The following ZNF148 variants were observed in gnomAD, a reference collection of about 807,000 sequenced individuals.
ZNF148 encodes the protein Beta-Enolase Repressor Factor-1.
A neutral mutation model predicts 67.7 loss-of-function variants in ZNF148; 7 were observed. That is an observed-to-expected ratio of 0.10 (90% confidence interval 0.06 to 0.19). The LOEUF (loss-of-function observed/expected upper bound fraction) is 0.19, where lower values mean the gene tolerates loss of function less well. Among genes scored for constraint, ZNF148 ranks in the 10% least tolerant of loss-of-function variants. ZNF148 has a pLI of 1.00. For missense variants in ZNF148, 583 were observed against 947.1 expected (o/e 0.62, Z 5.05); for synonymous variants, 333 against 330.7 (o/e 1.01, Z -0.08).
chr3:125,323,464 C>A lies in ZNF148; in HGVS notation c.-152-20G>T. 3 of 663,410 alleles carry A rather than the reference C, an allele frequency of 4.5e-6. No homozygotes were observed. In the South Asian group the frequency reaches 5.0e-5, roughly 11 times the overall value. 41.1% of individuals were successfully genotyped at this position (663,410 alleles called of 1,614,324 possible). A position where few individuals can be genotyped will look rare whatever the true frequency, so the allele number is the denominator to read the frequency against. On this transcript the variant is annotated intron_variant, in intron 2 of 8. Transcript: ENST00000360647. Reference sequence around the variant, plus strand: ...CGATTCCTACAATAAAACACACACACAACAAACATTATTTATGGTAGGAAA... The same window carrying A: ...CGATTCCTACAATAAAACACACACAAAACAAACATTATTTATGGTAGGAAA...
chr3:125,355,425 T>C (rs1942305088), intron 1 of ZNF148, among the ~76,000 whole-genome samples: 1 of 152,218 alleles, frequency 6.6e-6, no homozygotes, highest in Non-Finnish European at 1.5e-5. Context: ...CTCAGCGTGC[T>C]GACCAAAAAT....
intron 7 of ZNF148, among the ~76,000 whole-genome samples, chr3:125,274,948 A>T (rs1937968663): frequency 6.6e-6 from 1 of 152,222 alleles, no homozygotes; most frequent in African/African-American, 2.4e-5. Flanking sequence ...CACATGGGCA[A>T]ACTTCAGGGC....
At chr3:125,348,480 CAAAAA>C (rs35810148) in intron 1 of ZNF148, among the ~76,000 whole-genome samples, 1 of 60,730 alleles carries the variant, frequency 1.6e-5, no homozygotes, top group Non-Finnish European at 3.0e-5. Flanking sequence ...GACCCTGTCT[CAAAAA>C]AAAAAAAAAA....
chr3:125,365,804 G>T (rs1343445168), intron 1 of ZNF148, among the ~76,000 whole-genome samples: 1 of 152,210 alleles, frequency 6.6e-6, no homozygotes, highest in African/African-American at 2.4e-5. Flanking sequence ...CTGGGCAACA[G>T]ATCAAGAGCC....
intron 5 of ZNF148, among the ~76,000 whole-genome samples, chr3:125,283,137 A>G (rs1938478215): frequency 6.6e-6 from 1 of 152,126 alleles, no homozygotes; most frequent in South Asian, 2.1e-4. Context: ...ATCCAATGAG[A>G]AATGGAAAAT....
intron 1 of ZNF148, among the ~76,000 whole-genome samples, chr3:125,343,820 C>T (rs186904448): frequency 5.5e-4 from 83 of 152,154 alleles, no homozygotes; most frequent in African/African-American, 1.9e-3. Context: ...ACTCACTGAA[C>T]GCAAAGGTCC....
At chr3:125,268,777 CAAGA>C (rs1409636216) in intron 7 of ZNF148, among the ~76,000 whole-genome samples, 1 of 152,022 alleles carries the variant, frequency 6.6e-6, no homozygotes, top group Non-Finnish European at 1.5e-5. Flanking sequence ...GCCAGGAGTT[CAAGA>C]CCAGCCTAGG....
Position 125,279,239 on chromosome 3 carries a change from T to G in ZNF148, c.468A>C (p.Thr156=). The part of the protein sequence containing the change: ...RKQRSPAKIL[T]INEDGSLGLK... ...AACCAAGTGATCCATCCTCATTTAT[T>G]GTAAGGATCTAGTTCAAAAAAAAAA... is the stretch of plus-strand genomic sequence containing the variant. Residue 156 remains threonine (T), a synonymous_variant, in exon 6 of 9, where the codon ACA becomes ACC. Coordinates refer to ENST00000360647, the MANE Select transcript of ZNF148 (RefSeq NM_021964.3). 1.3e-6 allele frequency: 2 copies of G among 1,534,846 alleles called. No individual in the cohort carries two copies. The highest frequency in any genetic ancestry group is 2.5e-5 in the South Asian group (2 of 78,610).
intron 7 of ZNF148, among the ~76,000 whole-genome samples, chr3:125,247,423 C>T (rs1936649188): frequency 6.6e-6 from 1 of 151,990 alleles, no homozygotes; most frequent in Non-Finnish European, 1.5e-5. Context: ...TAGGATGAAA[C>T]AGCAAATGAG....
At chr3:125,248,314 G>GC (rs1936691476) in intron 7 of ZNF148, among the ~76,000 whole-genome samples, 2 of 152,020 alleles carry the variant, frequency 1.3e-5, no homozygotes, top group Non-Finnish European at 2.9e-5. Flanking sequence ...CTTGATATAA[G>GC]CCCCCCAATT....
intron 1 of ZNF148, among the ~76,000 whole-genome samples, chr3:125,340,849 G>C (rs13314322): frequency 1.3e-5 from 2 of 150,626 alleles, no homozygotes; most frequent in Non-Finnish European, 3.0e-5. Context: ...TTAGCCGGGC[G>C]TAGTGGCGGG....
At chr3:125,286,974 T>C (rs1236180314) in intron 5 of ZNF148, among the ~76,000 whole-genome samples, 1 of 152,208 alleles carries the variant, frequency 6.6e-6, no homozygotes, top group Non-Finnish European at 1.5e-5. Flanking sequence ...TCAGGAGGTA[T>C]AGAAACATTT....
chr3:125,320,175 C>T (rs11711167), intron 3 of ZNF148, among the ~76,000 whole-genome samples: 117,264 of 152,108 alleles, frequency 0.77, 45,740 homozygotes, highest in African/African-American at 0.85. Flanking sequence ...TACCTTCCTC[C>T]CTCTGTTTTC....
At position 125,230,436 on chromosome 3, in the gene ZNF148, C is replaced by A. The variant is rs1195183303; in HGVS notation, c.*1905G>T. 6.6e-6 allele frequency: 1 copy of A among 152,492 alleles called. No individual in the cohort carries two copies. Among genetic ancestry groups the A allele is most frequent in the African/African-American group, 2.4e-5 (1 of 41,422 alleles). 9.4% of individuals were successfully genotyped at this position (152,492 alleles called of 1,614,324 possible). ...AGTCTTAAATTCTTGAAAACTTTGG[C>A]AGCAAAGAAAGCTGTCAAACGGGAA... On this transcript the variant is annotated 3_prime_UTR_variant, in exon 9 of 9. Coordinates refer to ENST00000360647, the MANE Select transcript of ZNF148 (RefSeq NM_021964.3).
At chr3:125,317,656 T>TAGAGAGAGAGAGAGAG (rs1332514441) in intron 3 of ZNF148, among the ~76,000 whole-genome samples, 8 of 7,274 alleles carry the variant, frequency 1.1e-3, no homozygotes, top group African/African-American at 3.1e-3. Flanking sequence ...TATATATATA[T>TAGAGAGAGAGAGAGAG]ATATATAGAG....
chr3:125,356,317 G>A (rs948945387), intron 1 of ZNF148, among the ~76,000 whole-genome samples: 3 of 152,108 alleles, frequency 2.0e-5, no homozygotes, highest in Non-Finnish European at 4.4e-5. Context: ...ACCAGACTGG[G>A]CATAAGAGAC....
At position 125,313,501 on chromosome 3, in the gene ZNF148, A is replaced by C. The variant is rs1940328375; in HGVS notation, c.140T>G (p.Leu47Arg). ...CTGGTGAGGCATACTTCGATCTTGA[A>C]GTACTGAATCCTGTAGCTCTCCAGA... Reference protein sequence around the residue: ...TVSGELQDSVLQDRSMPHQEI... With the variant: ...TVSGELQDSVRQDRSMPHQEI... The change falls in exon 4 of 9, where the codon CTT becomes CGT. Residue 47 changes from leucine to arginine, a missense_variant. By Grantham distance (102) the Leu-to-Arg change is moderately radical. Coordinates refer to ENST00000360647, the MANE Select transcript of ZNF148 (RefSeq NM_021964.3). 1 of 1,614,168 alleles carries C rather than the reference A, an allele frequency of 6.2e-7. No homozygotes were observed. The highest frequency in any genetic ancestry group is 2.2e-5 in the East Asian group (1 of 44,884).
At chr3:125,372,660 G>A (rs1435319071) in intron 1 of ZNF148, among the ~76,000 whole-genome samples, 1 of 152,152 alleles carries the variant, frequency 6.6e-6, no homozygotes, top group Admixed American at 6.5e-5. Context: ...AGTTCCCTCA[G>A]AACAATTTTA....
At chr3:125,261,959 T>C (rs1937364408) in intron 7 of ZNF148, among the ~76,000 whole-genome samples, 1 of 152,060 alleles carries the variant, frequency 6.6e-6, no homozygotes, top group Non-Finnish European at 1.5e-5. Context: ...AAAATTTTAT[T>C]AATGAAATTC....
Sources: allele counts gnomAD v4.1 joint callset (sites outside exome capture counted in the v4.1 genomes callset), GRCh38; gene constraint gnomAD v4.1.1; transcripts MANE v1.5; gene names NCBI Gene and HGNC (gene_info 2026-07-23, HGNC 2026-07-21).